The following GRIN2B variants were observed in gnomAD, a reference collection of about 807,000 sequenced individuals.
GRIN2B encodes the protein glutamate ionotropic receptor NMDA type subunit 2B, also known as glutamate receptor ionotropic, NMDA 2B.
Under a neutral mutation model 114.5 loss-of-function variants are expected in GRIN2B, and 5 were observed. The ratio of observed to expected loss-of-function variants is 0.04; its 90% confidence interval spans 0.02 to 0.09. The LOEUF (loss-of-function observed/expected upper bound fraction) is 0.09. Among genes scored for constraint, GRIN2B ranks in the 10% least tolerant of loss-of-function variants. GRIN2B has a pLI of 1.00. For missense variants in GRIN2B, 1,108 were observed against 1,943.5 expected (o/e 0.57, Z 8.08); for synonymous variants, 787 against 745.1 (o/e 1.06, Z -0.92).
chr12:13,744,546 C>T (rs766588416), intron 4 of GRIN2B, among the ~76,000 whole-genome samples: 11 of 151,900 alleles, frequency 7.2e-5, no homozygotes, highest in Non-Finnish European at 1.5e-4. Context: ...GATCAATGAA[C>T]AAAACACCCA....
At chr12:13,858,132 A>C (rs1865694874) in intron 3 of GRIN2B, among the ~76,000 whole-genome samples, 1 of 152,198 alleles carries the variant, frequency 6.6e-6, no homozygotes. Context: ...CTTGTCTCTA[A>C]AATAAAGATA....
At chr12:13,646,493 A>G (rs1949762555) in intron 5 of GRIN2B, among the ~76,000 whole-genome samples, 1 of 152,126 alleles carries the variant, frequency 6.6e-6, no homozygotes, top group Non-Finnish European at 1.5e-5. Context: ...CCTCCCTGTG[A>G]CTTTCTTTTA....
chr12:13,908,037 T>A (rs758059206), intron 2 of GRIN2B, among the ~76,000 whole-genome samples: 55 of 152,076 alleles, frequency 3.6e-4, no homozygotes, highest in Non-Finnish European at 6.9e-4. Context: ...CAGAATGGCA[T>A]CCTCACCCAT....
At chr12:13,581,423 G>A (rs1039260451) in intron 10 of GRIN2B, among the ~76,000 whole-genome samples, 1 of 152,150 alleles carries the variant, frequency 6.6e-6, no homozygotes, top group Non-Finnish European at 1.5e-5. Flanking sequence ...ATCTGGAGAG[G>A]GGAGGAAGTG....
At chr12:13,747,132 C>T (rs1015668950) in intron 4 of GRIN2B, among the ~76,000 whole-genome samples, 8 of 152,052 alleles carry the variant, frequency 5.3e-5, no homozygotes, top group Admixed American at 5.2e-4. Flanking sequence ...AAAAAAGAGA[C>T]AAAGAAGAGA....
At chr12:13,682,271 C>T (rs1314463997) in intron 4 of GRIN2B, among the ~76,000 whole-genome samples, 1 of 152,024 alleles carries the variant, frequency 6.6e-6, no homozygotes, top group Non-Finnish European at 1.5e-5. Context: ...TTAAATGATT[C>T]CTTTGAGATA....
chr12:13,973,278 A>T (rs1221383422), intron 2 of GRIN2B, among the ~76,000 whole-genome samples: 1 of 152,198 alleles, frequency 6.6e-6, no homozygotes, highest in African/African-American at 2.4e-5. Context: ...ATTAATGGGA[A>T]CTTTAAGCTT....
At chr12:13,838,427 C>T (rs1865316821) in intron 3 of GRIN2B, among the ~76,000 whole-genome samples, 2 of 152,132 alleles carry the variant, frequency 1.3e-5, no homozygotes, top group South Asian at 4.2e-4. Context: ...TTCTTACCTT[C>T]CTAGTTCTCT....
chr12:13,871,283 A>T (rs1263398924), intron 2 of GRIN2B, among the ~76,000 whole-genome samples: 1 of 152,012 alleles, frequency 6.6e-6, no homozygotes, highest in Non-Finnish European at 1.5e-5. Context: ...TCAATAGATT[A>T]AAAAAATCAA....
chr12:13,698,709 G>A (rs1950283516), intron 4 of GRIN2B, among the ~76,000 whole-genome samples: 1 of 152,124 alleles, frequency 6.6e-6, no homozygotes, highest in African/African-American at 2.4e-5. Flanking sequence ...TTGAGACAGA[G>A]TTTCTCTCTG....
intron 2 of GRIN2B, among the ~76,000 whole-genome samples, chr12:13,899,000 T>C (rs1866400056): frequency 6.6e-6 from 1 of 152,246 alleles, no homozygotes; most frequent in African/African-American, 2.4e-5. Flanking sequence ...TGTCAGATAC[T>C]GTGCTTGGTT....
intron 4 of GRIN2B, among the ~76,000 whole-genome samples, chr12:13,735,561 G>C (rs1863162658): frequency 6.6e-6 from 1 of 152,206 alleles, no homozygotes; most frequent in Non-Finnish European, 1.5e-5. Context: ...ATGCTGCTAT[G>C]TTAAGGCAGA....
intron 2 of GRIN2B, among the ~76,000 whole-genome samples, chr12:13,931,890 A>G (rs1311135440): frequency 1.3e-5 from 2 of 152,102 alleles, no homozygotes; most frequent in African/African-American, 4.8e-5. Context: ...CTGCGACCTT[A>G]ATCCCCATCA....
chr12:13,595,687 C>G (rs982298872), intron 10 of GRIN2B, among the ~76,000 whole-genome samples: 11 of 152,136 alleles, frequency 7.2e-5, no homozygotes, highest in Non-Finnish European at 1.3e-4. Flanking sequence ...AGCAGCCTCT[C>G]CTCATTAGCA....
intron 3 of GRIN2B, among the ~76,000 whole-genome samples, chr12:13,864,478 T>C (rs886278918): frequency 1.3e-5 from 2 of 152,198 alleles, no homozygotes; most frequent in African/African-American, 4.8e-5. Flanking sequence ...ACAATGACAA[T>C]AGTAGAAACC....
At chr12:13,636,116 A>G (rs547865124) in intron 5 of GRIN2B, among the ~76,000 whole-genome samples, 1 of 152,330 alleles carries the variant, frequency 6.6e-6, no homozygotes, top group South Asian at 2.1e-4. Flanking sequence ...GTGACATGTG[A>G]GCAGAGGCTT....
intron 5 of GRIN2B, among the ~76,000 whole-genome samples, chr12:13,656,533 T>C (rs1949865802): frequency 6.6e-6 from 1 of 152,100 alleles, no homozygotes; most frequent in Non-Finnish European, 1.5e-5. Flanking sequence ...GGTCGCAAGG[T>C]TCTGAAGAAA....
intron 3 of GRIN2B, among the ~76,000 whole-genome samples, chr12:13,818,480 TAA>T (rs1219834680): frequency 6.6e-6 from 1 of 152,252 alleles, no homozygotes; most frequent in Non-Finnish European, 1.5e-5. Flanking sequence ...TATTTCAGTC[TAA>T]GAGTCACAGG....
rs1284042997 is a variant in GRIN2B at position 13,650,663 on chromosome 12, T to C, written c.1125+25082A>G. 9.9e-5 allele frequency among the ~76,000 whole-genome samples: 15 copies of C among 152,090 alleles called. 1 individual carries two copies. Among genetic ancestry groups the C allele is most frequent in the Admixed American group, 9.8e-4 (15 of 15,252 alleles). ...AGTAACTCCTAATCCATCTTCTCAA[T>C]GAGGTCTGCCTTACTTAAAATGTCA... On this transcript the variant is annotated intron_variant, in intron 5 of 13. Coordinates refer to ENST00000609686, the MANE Select transcript of GRIN2B (RefSeq NM_000834.5).
Sources: allele counts gnomAD v4.1 joint callset (sites outside exome capture counted in the v4.1 genomes callset), GRCh38; gene constraint gnomAD v4.1.1; transcripts MANE v1.5; gene names NCBI Gene and HGNC (gene_info 2026-07-23, HGNC 2026-07-21).